MYO19: variants seen among roughly 807,000 people sequenced by gnomAD.
MYO19 encodes unconventional myosin-XIX.
A neutral mutation model predicts 129.2 loss-of-function variants in MYO19; 132 were observed. The ratio of observed to expected loss-of-function variants is 1.02; its 90% CI spans 0.89 to 1.18. MYO19 has a LOEUF of 1.18. MYO19 is among the 50% of genes most tolerant of loss of function. The probability of loss-of-function intolerance (pLI) is 0.00; values close to 1 mark genes in which losing one functional copy is unlikely to be tolerated. For synonymous variants in MYO19, 531 were observed against 477.2 expected (o/e 1.11, Z -1.47); for missense variants, 1,210 against 1,216.7 (o/e 0.99, Z 0.08).
chr17:36,534,877 A>C (rs973750272), upstream of MYO19: 2 of 152,326 alleles, frequency 1.3e-5, no homozygotes, highest in Non-Finnish European at 2.9e-5. Flanking sequence ...AGGAGGGGCA[A>C]GAGCGTGCAG....
chr17:36,544,203 C>G (rs567398142), upstream of MYO19, among the ~76,000 whole-genome samples: 1 of 152,318 alleles, frequency 6.6e-6, no homozygotes, highest in East Asian at 1.9e-4. Flanking sequence ...TTCCTTTGGC[C>G]AAGACGCACA....
chr17:36,532,969 A>G (rs1383043370), intron 2 of MYO19, among the ~76,000 whole-genome samples: 3 of 152,124 alleles, frequency 2.0e-5, no homozygotes, highest in Admixed American at 2.0e-4. Flanking sequence ...CACTGGGGAG[A>G]CAGAGAAGCC....
intron 3 of MYO19, among the ~76,000 whole-genome samples, chr17:36,528,929 C>T (rs2073661308): frequency 2.0e-5 from 3 of 152,092 alleles, no homozygotes; most frequent in Non-Finnish European, 4.4e-5. Flanking sequence ...ATGGGTTAGG[C>T]CTTTTTGGGA....
chr17:36,511,299 C>T, intron 12 of MYO19, 66 bp downstream of exon 12: 1 of 1,512,266 alleles, frequency 6.6e-7, no homozygotes, highest in Non-Finnish European at 9.0e-7. Flanking sequence ...CAGCCTTCCA[C>T]CCAACCCCAG....
In MYO19 at chr17:36,507,924, C is replaced by G. The variant is rs766397616; in HGVS notation, c.1232G>C (p.Gly411Ala). 6.3e-7 allele frequency: 1 copy of G among 1,596,564 alleles called. No homozygotes were observed. Among genetic ancestry groups the G allele is most frequent in the Non-Finnish European group, 8.6e-7 (1 of 1,168,324 alleles). The change falls in exon 15 of 26, where the codon GGC (glycine) becomes GCC (alanine). Residue 411 changes from glycine (G) to alanine (A), a missense_variant and splice_region_variant. Transcript: ENST00000614623. ...ADTDSWTTFI[G>A]LLDVYGFESF... The stretch of plus-strand genomic sequence containing the variant: ...TTCAAATCCATACACATCCAGCAGG[C>G]CTGGGAAGATGGCAGAGAACCCATG...
In MYO19 at chr17:36,515,871, G is replaced by A. The variant is rs769212361; in HGVS notation, c.534C>T (p.Val178=). 6.2e-7 allele frequency: 1 copy of A among 1,612,586 alleles called. No homozygotes were observed. The highest frequency in any genetic ancestry group is 1.1e-5 in the South Asian group (1 of 91,006). The stretch of plus-strand genomic sequence containing the variant: ...GCCCAAGCTCACCAAAAGCTTCCAT[G>A]ACAGGGTTGGAGTTCAGGATCCTCT... ...IEQRILNSNP[V]MEAFGNACTL... The change falls in exon 7 of 26, where the codon GTC becomes GTT. Residue 178 remains valine (V), a synonymous_variant. Coordinates refer to ENST00000614623, the MANE Select transcript of MYO19 (RefSeq NM_001163735.2).
At chr17:36,499,371 C>A in intron 23 of MYO19, 1 of 404,938 alleles carries the variant, frequency 2.5e-6, no homozygotes, top group South Asian at 2.2e-5. Flanking sequence ...CTTGAATACA[C>A]CTACACAACA....
chr17:36,522,498 G>A (rs976005640), intron 6 of MYO19, among the ~76,000 whole-genome samples: 2 of 150,630 alleles, frequency 1.3e-5, no homozygotes, highest in East Asian at 2.0e-4. Context: ...GCGACAGTGC[G>A]AGACTTGGTC....
intron 6 of MYO19, among the ~76,000 whole-genome samples, chr17:36,518,848 T>C (rs2142184531): frequency 1.3e-5 from 2 of 152,236 alleles, no homozygotes; most frequent in South Asian, 4.1e-4. Flanking sequence ...TTTTATCTTT[T>C]ACCCATAGGA....
chr17:36,538,096 A>G, upstream of MYO19: 1 of 1,614,234 alleles, frequency 6.2e-7, no homozygotes, highest in Non-Finnish European at 8.5e-7. Flanking sequence ...AACCGATCAC[A>G]TATCAAAGAC....
chr17:36,501,148 G>A lies in MYO19; in HGVS notation c.2168C>T (p.Ala723Val). ...HTLPVLTQAA[A>V]ITGDSAEAMP... ...GGCCTCAGCCGAGTCACCAGTTATG[G>A]CTGCTGCCTGAGTTAGGACCGGCAG... The change falls in exon 22 of 26, where the codon GCC (alanine) becomes GTC (valine). Residue 723 changes from alanine (A) to valine (V), a missense_variant. Physicochemically the swap from Ala to Val is moderately conservative, Grantham distance 64. Transcript: ENST00000614623. The A allele has an allele frequency of 6.2e-7, 1 of 1,614,076 alleles. No homozygotes were observed. The highest frequency in any genetic ancestry group is 8.5e-7 in the Non-Finnish European group (1 of 1,179,906).
intron 19 of MYO19, chr17:36,505,021 C>T (rs2071782157): frequency 1.6e-6 from 1 of 638,260 alleles, no homozygotes; most frequent in South Asian, 1.6e-5. Flanking sequence ...GACACCCATT[C>T]CTCTGGGCAG....
chr17:36,538,732 G>A, upstream of MYO19: 1 of 918,526 alleles, frequency 1.1e-6, no homozygotes, highest in Non-Finnish European at 1.6e-6. Flanking sequence ...AATAGTTTCA[G>A]TCATCTAAAC....
intron 3 of MYO19, among the ~76,000 whole-genome samples, chr17:36,529,480 G>C (rs577375622): frequency 2.6e-4 from 40 of 152,302 alleles, no homozygotes; most frequent in Middle Eastern, 3.4e-3. Context: ...TACAACAGGT[G>C]AATTTCCAAT....
chr17:36,538,382 A>G (rs202188591), upstream of MYO19: 1 of 1,614,170 alleles, frequency 6.2e-7, no homozygotes, highest in Non-Finnish European at 8.5e-7. Context: ...CAGAATCTCT[A>G]GTCCCTGAAG....
At chr17:36,508,225 T>C (rs969060735) in intron 14 of MYO19, 2 of 258,700 alleles carry the variant, frequency 7.7e-6, no homozygotes, top group East Asian at 7.4e-5. Context: ...CTGGTTCTGA[T>C]AGGCACCTCC....
upstream of MYO19, among the ~76,000 whole-genome samples, chr17:36,536,211 G>C (rs1006235765): frequency 6.6e-6 from 1 of 152,078 alleles, no homozygotes; most frequent in East Asian, 1.9e-4. Flanking sequence ...ATCCTAACCT[G>C]AAAACATAGC....
Position 36,495,813 on chromosome 17 carries a change from A to C in MYO19, c.*438T>G, listed in dbSNP as rs1304767418. On this transcript the variant is annotated 3_prime_UTR_variant, in exon 26 of 26. Transcript: ENST00000614623. ...ATTACATTAAATAAATCAACTAATT[A>C]AATACTAAAGTTTTGTTCCTTTTTA... The C allele has an allele frequency of 2.4e-6, 3 of 1,241,270 alleles. No homozygotes were observed. Among genetic ancestry groups the C allele is most frequent in the Admixed American group, 3.9e-5 (1 of 25,680 alleles). 76.9% of individuals were successfully genotyped at this position (1,241,270 alleles called of 1,614,324 possible).
At chr17:36,514,063 A>C (rs1444566857) in intron 9 of MYO19, among the ~76,000 whole-genome samples, 1 of 152,188 alleles carries the variant, frequency 6.6e-6, no homozygotes, top group Admixed American at 6.5e-5. Context: ...TATCCTATCC[A>C]TGCCTTGGGG....
Sources: allele counts gnomAD v4.1 joint callset (sites outside exome capture counted in the v4.1 genomes callset), GRCh38; gene constraint gnomAD v4.1.1; transcripts MANE v1.5; gene names NCBI Gene and HGNC (gene_info 2026-07-23, HGNC 2026-07-21).